LDB2: variants seen among roughly 807,000 people sequenced by gnomAD.
LDB2 encodes the protein LIM domain binding 2, also known as LIM domain-binding protein 2.
A neutral mutation model predicts 44.3 loss-of-function variants in LDB2; 12 were observed. The observed-to-expected ratio is 0.27, with a 90% CI of 0.17 to 0.44. The LOEUF is 0.44. Among genes scored for constraint, LDB2 ranks in the 20% least tolerant of loss-of-function variants. The pLI is 1.00. For synonymous variants in LDB2, 164 were observed against 174.8 expected (o/e 0.94, Z 0.49); for missense variants, 344 against 473.5 (o/e 0.73, Z 2.54).
intron 1 of LDB2, among the ~76,000 whole-genome samples, chr4:16,760,702 G>A (rs1162699581): frequency 6.6e-6 from 1 of 152,192 alleles, no homozygotes; most frequent in Non-Finnish European, 1.5e-5. Flanking sequence ...ACAATCACAT[G>A]AGCAACTAAA....
At chr4:16,579,047 T>C (rs1713115470) in intron 5 of LDB2, among the ~76,000 whole-genome samples, 1 of 152,064 alleles carries the variant, frequency 6.6e-6, no homozygotes, top group Non-Finnish European at 1.5e-5. Flanking sequence ...TTGGGAAGGG[T>C]CAGGGTGGCG....
chr4:16,833,696 C>T (rs1324064044), intron 1 of LDB2, among the ~76,000 whole-genome samples: 1 of 152,186 alleles, frequency 6.6e-6, no homozygotes, highest in Non-Finnish European at 1.5e-5. Context: ...GCGCATGCCA[C>T]CACGCCCAGC....
At chr4:16,880,380 A>C (rs1238929786) in intron 1 of LDB2, among the ~76,000 whole-genome samples, 1 of 152,138 alleles carries the variant, frequency 6.6e-6, no homozygotes, top group Non-Finnish European at 1.5e-5. Context: ...AGCCCCATGG[A>C]GCTAATGTCT....
chr4:16,650,005 C>T (rs989336524), intron 2 of LDB2, among the ~76,000 whole-genome samples: 1 of 152,148 alleles, frequency 6.6e-6, no homozygotes, highest in African/African-American at 2.4e-5. Flanking sequence ...CTCCCAAGGG[C>T]GGCTCCTGGA....
chr4:16,610,105 C>CCT (rs1725196463), intron 2 of LDB2, among the ~76,000 whole-genome samples: 1 of 151,822 alleles, frequency 6.6e-6, no homozygotes, highest in African/African-American at 2.4e-5. Flanking sequence ...CTGCAGCACC[C>CCT]CTACAGAAGA....
At chr4:16,586,714 C>A (rs1283686994) in intron 4 of LDB2, among the ~76,000 whole-genome samples, 2 of 152,108 alleles carry the variant, frequency 1.3e-5, no homozygotes, top group Admixed American at 6.5e-5. Flanking sequence ...ATGGGCCACA[C>A]CAAATGTTCT....
At chr4:16,887,953 C>A (rs779147934) in intron 1 of LDB2, among the ~76,000 whole-genome samples, 1 of 152,114 alleles carries the variant, frequency 6.6e-6, no homozygotes, top group Admixed American at 6.5e-5. Context: ...TACTACCCAT[C>A]CACCTGATCC....
chr4:16,558,431 G>A (rs754249946), intron 5 of LDB2, among the ~76,000 whole-genome samples: 2 of 152,292 alleles, frequency 1.3e-5, no homozygotes, highest in Non-Finnish European at 2.9e-5. Context: ...TTCAGGAGCC[G>A]ATGCGATCAA....
At chr4:16,665,516 C>T (rs781034359) in intron 2 of LDB2, among the ~76,000 whole-genome samples, 1 of 152,070 alleles carries the variant, frequency 6.6e-6, no homozygotes, top group Non-Finnish European at 1.5e-5. Context: ...CTGCCCACCT[C>T]GGCCTCCCAA....
chr4:16,695,475 A>G (rs114147029), intron 2 of LDB2, among the ~76,000 whole-genome samples: 15,231 of 151,844 alleles, frequency 0.1, 962 homozygotes, highest in Admixed American at 0.17. Context: ...AAAAAAAAGA[A>G]GAAGAAAAAG....
intron 2 of LDB2, among the ~76,000 whole-genome samples, chr4:16,653,396 C>T (rs1169594666): frequency 6.6e-6 from 1 of 152,180 alleles, no homozygotes; most frequent in Non-Finnish European, 1.5e-5. Context: ...GATTTAAAAA[C>T]AACGATGACA....
chr4:16,637,554 A>G (rs1733961983), intron 2 of LDB2, among the ~76,000 whole-genome samples: 1 of 152,088 alleles, frequency 6.6e-6, no homozygotes, highest in Non-Finnish European at 1.5e-5. Context: ...CTTGGGGTTT[A>G]AAACGGACTC....
intron 2 of LDB2, among the ~76,000 whole-genome samples, chr4:16,729,365 C>A (rs1044869997): frequency 6.6e-6 from 1 of 152,074 alleles, no homozygotes; most frequent in African/African-American, 2.4e-5. Context: ...TACAGGGGAT[C>A]GGCCACAGTA....
intron 1 of LDB2, among the ~76,000 whole-genome samples, chr4:16,773,724 C>CT (rs1174034421): frequency 6.6e-6 from 1 of 152,092 alleles, no homozygotes; most frequent in Admixed American, 6.5e-5. Flanking sequence ...TGCAATATTT[C>CT]TTTTTTCATA....
chr4:16,517,065 T>A (rs1181346828), intron 5 of LDB2, among the ~76,000 whole-genome samples: 1 of 152,188 alleles, frequency 6.6e-6, no homozygotes, highest in Admixed American at 6.5e-5. Context: ...GCCTAGGGCA[T>A]TATGAAATGA....
Position 16,834,487 on chromosome 4 carries a change from G to C in LDB2, c.132+63867C>G, listed in dbSNP as rs1229789850. On this transcript the variant is annotated intron_variant, in intron 1 of 7. Coordinates refer to ENST00000304523, the MANE Select transcript of LDB2 (RefSeq NM_001290.5). ...TTGGGACAGAATTCCATCAGTGATA[G>C]TCTTCACCCCTACGAGCACGTGACT... Among the ~76,000 whole-genome samples the C allele has an allele frequency of 2.0e-5, 3 of 152,286 alleles. 1 individual carries two copies. In the South Asian group the frequency reaches 6.2e-4, roughly 32 times the overall value.
At chr4:16,569,680 G>A (rs75238099) in intron 5 of LDB2, among the ~76,000 whole-genome samples, 59 of 151,948 alleles carry the variant, frequency 3.9e-4, no homozygotes, top group African/African-American at 1.4e-3. Context: ...CCATCCATCC[G>A]TCCATCCATC....
chr4:16,687,749 A>T (rs148140563), intron 2 of LDB2, among the ~76,000 whole-genome samples: 4 of 151,794 alleles, frequency 2.6e-5, no homozygotes, highest in Admixed American at 2.0e-4. Flanking sequence ...CTAGGCCTGG[A>T]GCAAAAAGGA....
intron 1 of LDB2, among the ~76,000 whole-genome samples, chr4:16,768,666 A>T (rs1769907694): frequency 2.0e-5 from 3 of 152,174 alleles, no homozygotes. Context: ...TTGATTCCTT[A>T]ATCACAAGCC....
Sources: allele counts gnomAD v4.1 joint callset (sites outside exome capture counted in the v4.1 genomes callset), GRCh38; gene constraint gnomAD v4.1.1; transcripts MANE v1.5; gene names NCBI Gene and HGNC (gene_info 2026-07-23, HGNC 2026-07-21).